The following FLACC1 variants were observed in gnomAD, a reference collection of about 807,000 sequenced individuals.
The protein encoded by FLACC1 is flagellum-associated coiled-coil domain-containing protein 1.
FLACC1 carries 66 observed loss-of-function variants against 62.8 expected under a neutral mutation model. That is an observed-to-expected ratio of 1.05 (90% confidence interval 0.86 to 1.29). FLACC1 has a LOEUF of 1.29. FLACC1 is among the 50% of genes most tolerant of loss of function. FLACC1 has a pLI of 0.00. For synonymous variants in FLACC1, 156 were observed against 161.0 expected (o/e 0.97, Z 0.24); for missense variants, 452 against 489.1 (o/e 0.92, Z 0.71).
At chr2:201,309,750 T>C (rs1453031360) in intron 9 of FLACC1, among the ~76,000 whole-genome samples, 1 of 150,612 alleles carries the variant, frequency 6.6e-6, no homozygotes, top group Non-Finnish European at 1.5e-5. Flanking sequence ...CTACTAAAAA[T>C]ACAAAAATTA....
At chr2:201,349,326 T>A (rs1950979357) in intron 3 of FLACC1, among the ~76,000 whole-genome samples, 1 of 152,204 alleles carries the variant, frequency 6.6e-6, no homozygotes, top group South Asian at 2.1e-4. Flanking sequence ...GCCCCAGGCA[T>A]CATTGAGGCT....
intron 6 of FLACC1, 76 bp downstream of exon 6, chr2:201,344,094 G>T: frequency 7.5e-7 from 1 of 1,333,592 alleles, no homozygotes; most frequent in Non-Finnish European, 1.1e-6. Context: ...TTGGCATTTT[G>T]CCTGGCACAT....
chr2:201,336,032 A>T (rs186498139), intron 7 of FLACC1, among the ~76,000 whole-genome samples: 8 of 152,244 alleles, frequency 5.3e-5, no homozygotes, highest in African/African-American at 1.9e-4. Flanking sequence ...TTAGGGGTAC[A>T]TGTACATGTA....
At chr2:201,350,845 C>T in intron 2 of FLACC1, 63 bp from the exon 3 acceptor site, 1 of 1,428,268 alleles carries the variant, frequency 7.0e-7, no homozygotes. Context: ...CTTTTTAACA[C>T]TCCCAGATTA....
chr2:201,315,676 G>C (rs1296360800), intron 9 of FLACC1, among the ~76,000 whole-genome samples: 2 of 152,030 alleles, frequency 1.3e-5, no homozygotes, highest in Non-Finnish European at 2.9e-5. Flanking sequence ...AGAAACAATA[G>C]ATTTAAAATA....
At chr2:201,310,453 A>G (rs923455084) in intron 9 of FLACC1, among the ~76,000 whole-genome samples, 6 of 152,204 alleles carry the variant, frequency 3.9e-5, no homozygotes, top group Non-Finnish European at 7.3e-5. Context: ...TCTCAGGCCA[A>G]CTAGAACTAG....
intron 7 of FLACC1, among the ~76,000 whole-genome samples, chr2:201,333,958 T>G (rs955490008): frequency 1.3e-5 from 2 of 152,232 alleles, no homozygotes; most frequent in African/African-American, 4.8e-5. Context: ...TTTCTAGTTC[T>G]AGATCCCTGA....
At chr2:201,340,960 A>G (rs1228949747) in intron 7 of FLACC1, among the ~76,000 whole-genome samples, 2 of 152,182 alleles carry the variant, frequency 1.3e-5, no homozygotes, top group Non-Finnish European at 2.9e-5. Context: ...TTCTGTTAAG[A>G]AATTACAATT....
chr2:201,364,176 G>C, the FLACC1 span, among the ~76,000 whole-genome samples: 1 of 152,018 alleles, frequency 6.6e-6, no homozygotes, highest in Non-Finnish European at 1.5e-5. Flanking sequence ...TATAAAACCT[G>C]CTGACAGAAG....
chr2:201,308,415 T>C lies in FLACC1; in HGVS notation c.775+736A>G, dbSNP rs116838903. On this transcript the variant is annotated intron_variant, in intron 10 of 14. Transcript: ENST00000392257. ...TGGCAGTCCAGAGTGCCCACCAGAA[T>C]GTGAATTAATTTTCCCATGGAGTAT... Among the ~76,000 whole-genome samples the C allele has an allele frequency of 3.2e-3, 490 of 152,294 alleles. 1 individual carries two copies. The highest frequency in any genetic ancestry group is 0.011 in the African/African-American group (459 of 41,562).
chr2:201,319,171 C>A (rs544693706), intron 9 of FLACC1, among the ~76,000 whole-genome samples: 3 of 152,094 alleles, frequency 2.0e-5, no homozygotes, highest in Non-Finnish European at 4.4e-5. Flanking sequence ...ACACATAGAT[C>A]AATGGAACAG....
chr2:201,309,340 T>C (rs1950168957), intron 9 of FLACC1, 90 bp from the exon 10 acceptor site: 7 of 949,868 alleles, frequency 7.4e-6, no homozygotes, highest in African/African-American at 4.9e-5. Context: ...GGAGGACTCC[T>C]CTTGGCATTG....
Position 201,301,228 on chromosome 2 carries a change from GT to G in FLACC1, c.880-1929del, listed in dbSNP as rs372167943. 1.1e-3 allele frequency among the ~76,000 whole-genome samples: 161 copies of G among 152,250 alleles called. 1 individual carries two copies. The East Asian group carries it at 0.021, about 20-fold the overall frequency. On this transcript the variant is annotated intron_variant, in intron 11 of 14. Transcript: ENST00000392257. ...TAACTAGAAAAAACAGTGTAGAGAA[GT>G]CCTTAAATGACCTGATGGAGCTGAA...
chr2:201,350,848 C>T (rs1235272711), intron 2 of FLACC1, 66 bp from the exon 3 acceptor site: 1 of 1,408,886 alleles, frequency 7.1e-7, no homozygotes, highest in African/African-American at 1.4e-5. Flanking sequence ...TTTAACACTC[C>T]CAGATTAAGT....
intron 9 of FLACC1, among the ~76,000 whole-genome samples, chr2:201,314,536 G>A (rs1342010835): frequency 6.6e-6 from 1 of 152,130 alleles, no homozygotes; most frequent in Non-Finnish European, 1.5e-5. Flanking sequence ...AAGGAGTCTG[G>A]GATGTTAAAC....
At chr2:201,304,736 T>C (rs1950065003) in intron 11 of FLACC1, among the ~76,000 whole-genome samples, 1 of 152,072 alleles carries the variant, frequency 6.6e-6, no homozygotes, top group Non-Finnish European at 1.5e-5. Context: ...AAAACATAGA[T>C]ATAGACCAAT....
At chr2:201,310,125 C>T (rs184544776) in intron 9 of FLACC1, among the ~76,000 whole-genome samples, 26 of 152,048 alleles carry the variant, frequency 1.7e-4, no homozygotes, top group Non-Finnish European at 2.5e-4. Context: ...AGGCCCTGGA[C>T]CTGGATGACA....
chr2:201,342,284 G>T, intron 7 of FLACC1, 86 bp downstream of exon 7: 19 of 1,315,210 alleles, frequency 1.4e-5, no homozygotes, highest in Non-Finnish European at 1.6e-5. Flanking sequence ...AGAACTATTT[G>T]AAGTCCCAGT....
At chr2:201,363,195 C>T in the FLACC1 span, among the ~76,000 whole-genome samples, 5 of 152,060 alleles carry the variant, frequency 3.3e-5, no homozygotes, top group African/African-American at 4.8e-5. Context: ...GCTCTCTCTG[C>T]TCCACACCCA....
Sources: allele counts gnomAD v4.1 joint callset (sites outside exome capture counted in the v4.1 genomes callset), GRCh38; gene constraint gnomAD v4.1.1; transcripts MANE v1.5; gene names NCBI Gene and HGNC (gene_info 2026-07-23, HGNC 2026-07-21).